The following MMS22L variants were observed in gnomAD, a reference collection of about 807,000 sequenced individuals.
MMS22L encodes the protein protein MMS22-like.
A neutral mutation model predicts 159.1 loss-of-function variants in MMS22L; 74 were observed. The ratio of observed to expected loss-of-function variants is 0.47; its 90% CI spans 0.39 to 0.56. The LOEUF (loss-of-function observed/expected upper bound fraction) is 0.56. MMS22L is among the 20% of genes least tolerant of loss of function. The probability of loss-of-function intolerance (pLI) is 0.00; values close to 1 mark genes in which losing one functional copy is unlikely to be tolerated. For missense variants in MMS22L, 1,351 were observed against 1,422.1 expected (o/e 0.95, Z 0.80); for synonymous variants, 517 against 506.9 (o/e 1.02, Z -0.27).
intron 22 of MMS22L, among the ~76,000 whole-genome samples, chr6:97,153,004 T>C (rs968534748): frequency 1.3e-5 from 2 of 151,938 alleles, no homozygotes; most frequent in Non-Finnish European, 2.9e-5. Flanking sequence ...CCTGGCTAAT[T>C]TTTTAAAAAA....
At chr6:97,273,857 C>T (rs1187795220) in intron 4 of MMS22L, among the ~76,000 whole-genome samples, 4 of 152,130 alleles carry the variant, frequency 2.6e-5, no homozygotes, top group African/African-American at 7.2e-5. Flanking sequence ...TCTCTTTTGT[C>T]CCCCTATACA....
chr6:97,270,288 A>T, intron 6 of MMS22L: 1 of 522,600 alleles, frequency 1.9e-6, no homozygotes, highest in Non-Finnish European at 3.7e-6. Context: ...CTACAGCTGC[A>T]AGGCAGTAAA....
chr6:97,177,791 A>C (rs1218338389), intron 18 of MMS22L, among the ~76,000 whole-genome samples: 1 of 152,168 alleles, frequency 6.6e-6, no homozygotes, highest in African/African-American at 2.4e-5. Flanking sequence ...AATTATTTTC[A>C]CTGCAGCTAA....
chr6:97,255,397 T>G (rs1813691810), intron 9 of MMS22L, among the ~76,000 whole-genome samples: 1 of 152,100 alleles, frequency 6.6e-6, no homozygotes, highest in South Asian at 2.1e-4. Flanking sequence ...GTAACCATCT[T>G]AAGTAACATT....
intron 22 of MMS22L, among the ~76,000 whole-genome samples, chr6:97,159,115 A>G (rs1487591188): frequency 6.9e-6 from 1 of 144,416 alleles, no homozygotes; most frequent in Admixed American, 7.0e-5. Context: ...ATCAGAGACT[A>G]GGACTGCAAC....
chr6:97,255,275 G>A (rs1813678750), intron 9 of MMS22L, among the ~76,000 whole-genome samples: 1 of 152,032 alleles, frequency 6.6e-6, no homozygotes, highest in African/African-American at 2.4e-5. Flanking sequence ...GGTATTTCAT[G>A]TAAATGTTCA....
chr6:97,183,065 C>T (rs1216723185), intron 15 of MMS22L, among the ~76,000 whole-genome samples: 2 of 152,144 alleles, frequency 1.3e-5, no homozygotes, highest in African/African-American at 4.8e-5. Context: ...CATGCTGATA[C>T]CCAGCGACCT....
At chr6:97,186,417 T>C in intron 15 of MMS22L, 80 bp downstream of exon 15, 1 of 1,216,456 alleles carries the variant, frequency 8.2e-7, no homozygotes. Flanking sequence ...ATACAAGAGT[T>C]TGTTACTAAG....
At chr6:97,200,385 T>C (rs1271966454) in intron 14 of MMS22L, among the ~76,000 whole-genome samples, 2 of 152,108 alleles carry the variant, frequency 1.3e-5, no homozygotes, top group Non-Finnish European at 2.9e-5. Context: ...AGATTATCCA[T>C]TGAGTCAATG....
chr6:97,167,956 C>T (rs1350416239), intron 20 of MMS22L, 115 bp downstream of exon 20: 4 of 893,212 alleles, frequency 4.5e-6, no homozygotes, highest in Middle Eastern at 2.4e-4. Context: ...ATGTGCCACA[C>T]AAGCATTTGA....
chr6:97,195,901 C>T (rs778707440), intron 14 of MMS22L, among the ~76,000 whole-genome samples: 7 of 152,088 alleles, frequency 4.6e-5, no homozygotes, highest in Non-Finnish European at 7.4e-5. Flanking sequence ...CTAATTATTT[C>T]GCATTTTGTG....
intron 14 of MMS22L, among the ~76,000 whole-genome samples, chr6:97,201,288 T>A (rs1807130745): frequency 6.6e-6 from 1 of 152,180 alleles, no homozygotes; most frequent in Non-Finnish European, 1.5e-5. Context: ...AAAGAAGGTA[T>A]ACACTGAGTT....
At chr6:97,223,370 T>C (rs1271462536) in intron 14 of MMS22L, among the ~76,000 whole-genome samples, 1 of 152,116 alleles carries the variant, frequency 6.6e-6, no homozygotes, top group Non-Finnish European at 1.5e-5. Flanking sequence ...TTGTCAGAGA[T>C]GCAGCCAGGA....
chr6:97,166,942 A>C lies in MMS22L; in HGVS notation c.3009+1129T>G, dbSNP rs546461207. Among the ~76,000 whole-genome samples the C allele has an allele frequency of 7.4e-4, 113 of 152,256 alleles. 1 individual carries two copies. The highest frequency in any genetic ancestry group is 2.6e-3 in the African/African-American group (108 of 41,570). ...AAATGCTATTATGAATAAAAATTAGAGGGAAAATTTAAAACTTCTCAGGAA... is the reference window on the plus strand; with the variant it reads ...AAATGCTATTATGAATAAAAATTAGCGGGAAAATTTAAAACTTCTCAGGAA... On this transcript the variant is annotated intron_variant, in intron 20 of 24. Transcript: ENST00000683635.
intron 10 of MMS22L, among the ~76,000 whole-genome samples, chr6:97,248,722 G>A (rs944605465): frequency 6.6e-6 from 1 of 152,058 alleles, no homozygotes; most frequent in African/African-American, 2.4e-5. Context: ...AGGAGGGTGT[G>A]GTGGTGCGTG....
rs1804465059 is a variant in MMS22L, at chr6:97,179,420, C to T, written c.2524G>A (p.Glu842Lys). 1 of 1,612,128 alleles carries T rather than the reference C, an allele frequency of 6.2e-7. No homozygotes were observed. Among genetic ancestry groups the T allele is most frequent in the African/African-American group, 1.3e-5 (1 of 74,876 alleles). Residue 842 changes from glutamate to lysine, a missense_variant, in exon 17 of 25, where the codon GAA (glutamate) becomes AAA (lysine). By Grantham distance (56) the Glu-to-Lys change is moderately conservative (BLOSUM62 1). Transcript: ENST00000683635. ...PDDLLIDKNLEEAVEKEYMKQ... is the reference protein window; with the variant it reads ...PDDLLIDKNLKEAVEKEYMKQ... The stretch of plus-strand genomic sequence containing the variant: ...TACACTTACTTACCAACTGCCTCTT[C>T]CAGATTTTTATCTATGAGCAAATCA...
chr6:97,273,387 GCTC>G (rs1298375016), intron 4 of MMS22L, among the ~76,000 whole-genome samples: 2 of 151,742 alleles, frequency 1.3e-5, no homozygotes, highest in African/African-American at 4.8e-5. Context: ...TCTTTTATTG[GCTC>G]CTCCTCCTCA....
chr6:97,207,997 A>G (rs1486396743), intron 14 of MMS22L, among the ~76,000 whole-genome samples: 1 of 152,178 alleles, frequency 6.6e-6, no homozygotes, highest in South Asian at 2.1e-4. Flanking sequence ...GTAGTTAAAC[A>G]TAAGTAAAAG....
chr6:97,283,824 A>T (rs1294918241), upstream of MMS22L, among the ~76,000 whole-genome samples: 1 of 152,250 alleles, frequency 6.6e-6, no homozygotes, highest in Non-Finnish European at 1.5e-5. Context: ...CATCAACTTT[A>T]AAAAGATTTA....
Sources: gnomAD v4.1 joint callset for allele counts (sites outside exome capture counted in the v4.1 genomes callset) on GRCh38, gnomAD v4.1.1 for gene constraint, MANE v1.5 for transcripts, NCBI Gene and HGNC (gene_info 2026-07-23, HGNC 2026-07-21) for gene names.